The following CTDP1 variants were observed in gnomAD, a reference collection of about 807,000 sequenced individuals.
The protein encoded by CTDP1 is RNA polymerase II subunit A C-terminal domain phosphatase.
In CTDP1, 47 loss-of-function variants were observed where a neutral mutation model predicts 91.8. The observed-to-expected ratio is 0.51, with a 90% CI of 0.41 to 0.65. The LOEUF is 0.65. Among genes scored for constraint, CTDP1 ranks in the 30% least tolerant of loss-of-function variants. CTDP1 has a pLI of 0.00. For missense variants in CTDP1, 1,272 were observed against 1,373.7 expected (o/e 0.93, Z 1.17); for synonymous variants, 656 against 598.5 (o/e 1.10, Z -1.40).
intron 11 of CTDP1, chr18:79,735,995 T>G: frequency 1.5e-5 from 4 of 263,466 alleles, no homozygotes; most frequent in Non-Finnish European, 3.0e-5. Context: ...CACTCAGGAG[T>G]CTTGCTGTGA....
intron 5 of CTDP1, 151 bp downstream of exon 5, chr18:79,705,068 G>A (rs373765123): frequency 3.1e-5 from 40 of 1,294,726 alleles, no homozygotes; most frequent in African/African-American, 5.9e-5. Flanking sequence ...GGTTGTGAGA[G>A]GTAAGGGAAT....
intron 1 of CTDP1, among the ~76,000 whole-genome samples, chr18:79,694,823 G>C (rs1179492164): frequency 6.6e-6 from 1 of 152,236 alleles, no homozygotes; most frequent in East Asian, 1.9e-4. Context: ...ATCAGCCTCT[G>C]TCTAGACTGG....
At chr18:79,741,062 C>T (rs1204907391) in intron 12 of CTDP1, among the ~76,000 whole-genome samples, 2 of 148,636 alleles carry the variant, frequency 1.3e-5, no homozygotes, top group African/African-American at 2.5e-5. Flanking sequence ...TGAGGTCCCC[C>T]GTACGGTTGA....
At chr18:79,734,562 G>A (rs879378761) in intron 11 of CTDP1, among the ~76,000 whole-genome samples, 2 of 151,070 alleles carry the variant, frequency 1.3e-5, no homozygotes, top group Non-Finnish European at 2.9e-5. Context: ...ACGGACGTCT[G>A]AGGCCCTCCC....
At position 79,713,155 on chromosome 18, in the gene CTDP1, C is replaced by G; in HGVS notation, c.1030+17C>G. Reference sequence around the variant, plus strand: ...GAAAGAAAGGTGGGTAACCTCCTTCCTGATTCTCTAGAAGAATTCACATTT... The same window carrying G: ...GAAAGAAAGGTGGGTAACCTCCTTCGTGATTCTCTAGAAGAATTCACATTT... On this transcript the variant is annotated intron_variant, in intron 7 of 12. Transcript: ENST00000613122. The surrounding 1 kb of genome is among the most constrained non-coding windows in gnomAD (Gnocchi z 4.7). 1 of 1,612,418 alleles carries G rather than the reference C, an allele frequency of 6.2e-7. No homozygotes were observed. Among genetic ancestry groups the G allele is most frequent in the Non-Finnish European group, 8.5e-7 (1 of 1,178,882 alleles).
intron 1 of CTDP1, among the ~76,000 whole-genome samples, chr18:79,684,075 A>C (rs1443975358): frequency 2.0e-5 from 3 of 152,366 alleles, no homozygotes; most frequent in East Asian, 3.9e-4. Flanking sequence ...CAGCAGCCTG[A>C]GTGTGCTAAG....
intron 12 of CTDP1, among the ~76,000 whole-genome samples, chr18:79,751,647 A>G (rs2087003953): frequency 6.6e-6 from 1 of 152,120 alleles, no homozygotes; most frequent in Non-Finnish European, 1.5e-5. Context: ...TTTCTGCGCT[A>G]TAGTTTGTGT....
chr18:79,701,812 G>A (rs966218488), intron 4 of CTDP1, among the ~76,000 whole-genome samples: 7 of 152,172 alleles, frequency 4.6e-5, no homozygotes, highest in African/African-American at 1.2e-4. Context: ...ATGACTTCCA[G>A]GGCTTCGAGA....
intron 3 of CTDP1, 45 bp from the exon 4 acceptor site, chr18:79,697,815 G>A (rs753118235): frequency 1.2e-6 from 2 of 1,613,500 alleles, no homozygotes; most frequent in Non-Finnish European, 1.7e-6. Context: ...TACCTTGGAT[G>A]CAAACATACT....
At position 79,681,227 on chromosome 18, in the gene CTDP1, T is replaced by C. The variant is rs375849805; in HGVS notation, c.314+966T>C. On this transcript the variant is annotated intron_variant, in intron 1 of 12. Coordinates refer to ENST00000613122, the MANE Select transcript of CTDP1 (RefSeq NM_004715.5). ...GTCTTCCCGTCACAGCCCCAGAACG[T>C]CCTGGCTCCGCTTCCTTTGGAGACA... Among the ~76,000 whole-genome samples, 330 of 152,356 alleles carry C rather than the reference T, an allele frequency of 2.2e-3. 2 individuals are homozygous for C. The highest frequency in any genetic ancestry group is 6.7e-3 in the African/African-American group (279 of 41,586).
Position 79,743,068 on chromosome 18 carries a change from G to T in CTDP1, c.2747+6547G>T, listed in dbSNP as rs148020533. ...AGGAGGGGCCTAGGATTAAATGACAGCAGATGGTGACTGGAATTTACAGCA... is the reference window on the plus strand; with the variant it reads ...AGGAGGGGCCTAGGATTAAATGACATCAGATGGTGACTGGAATTTACAGCA... On this transcript the variant is annotated intron_variant, in intron 12 of 12. Transcript: ENST00000613122. 3.9e-5 allele frequency among the ~76,000 whole-genome samples: 6 copies of T among 152,354 alleles called. No homozygotes were observed. The East Asian group carries it at 1.2e-3, about 29-fold the overall frequency.
chr18:79,718,898 G>T (rs2086274675), intron 10 of CTDP1, among the ~76,000 whole-genome samples: 1 of 152,182 alleles, frequency 6.6e-6, no homozygotes, highest in African/African-American at 2.4e-5. Flanking sequence ...GAGGGAGACG[G>T]GTGCTCACGG....
At chr18:79,724,454 A>G (rs1599275082) in intron 10 of CTDP1, among the ~76,000 whole-genome samples, 1 of 152,332 alleles carries the variant, frequency 6.6e-6, no homozygotes, top group East Asian at 1.9e-4. Context: ...TGAGTGACCC[A>G]GGTGGCGTGG....
intron 5 of CTDP1, among the ~76,000 whole-genome samples, chr18:79,709,667 A>G (rs974254744): frequency 6.6e-6 from 1 of 152,230 alleles, no homozygotes; most frequent in African/African-American, 2.4e-5. Context: ...CTAGCTGGTC[A>G]AGGTGGTGTC....
chr18:79,700,642 C>CAG (rs1568183220), intron 4 of CTDP1, among the ~76,000 whole-genome samples: 1 of 152,244 alleles, frequency 6.6e-6, no homozygotes, highest in Non-Finnish European at 1.5e-5. Flanking sequence ...GGTGAAGCAG[C>CAG]AGGTGCTGTT....
chr18:79,706,679 C>T (rs2057983083), intron 5 of CTDP1, among the ~76,000 whole-genome samples: 1 of 152,198 alleles, frequency 6.6e-6, no homozygotes, highest in South Asian at 2.1e-4. Flanking sequence ...TATAAATCTT[C>T]ATCATTTTAT....
chr18:79,721,778 A>G (rs1025833282), intron 10 of CTDP1, among the ~76,000 whole-genome samples: 2 of 152,176 alleles, frequency 1.3e-5, no homozygotes, highest in African/African-American at 4.8e-5. Context: ...TTAATAATTT[A>G]AAATAAAATC....
Position 79,717,872 on chromosome 18 carries a change from CG to C in CTDP1, c.2274del (p.Met759CysfsTer96). 7 of 1,613,650 alleles carry C rather than the reference CG, an allele frequency of 4.3e-6. No individual in the cohort carries two copies. The highest frequency in any genetic ancestry group is 5.9e-6 in the Non-Finnish European group (7 of 1,180,002). ...GTGCCCCCCACCGCCTTGTTCCACC[CG>C]ATGCCGGTTCTTCCCAAGGCCCAGC... ...EGVPPTALFH[P>X]MPVLPKAQPG... is the part of the protein sequence containing the mutation. On this transcript the variant is annotated frameshift_variant, in exon 10 of 13. Transcript: ENST00000613122. LOFTEE classifies it high-confidence loss of function.
At chr18:79,679,613 G>A (rs965577725), upstream of CTDP1, 4 of 481,860 alleles carry the variant, frequency 8.3e-6, no homozygotes, top group Non-Finnish European at 8.2e-6. Flanking sequence ...GGCCCGCGTT[G>A]CATGCCGCTG....
Sources: allele counts gnomAD v4.1 joint callset (sites outside exome capture counted in the v4.1 genomes callset), GRCh38; gene constraint gnomAD v4.1.1; non-coding constraint Gnocchi (gnomAD v3.1); transcripts MANE v1.5; gene names NCBI Gene and HGNC (gene_info 2026-07-23, HGNC 2026-07-21).